THAP5: variants seen among roughly 807,000 people sequenced by gnomAD.
The protein encoded by THAP5 is THAP domain containing 5.
In THAP5, 26 loss-of-function variants were observed where a neutral mutation model predicts 34.0. The ratio of observed to expected loss-of-function variants is 0.77; its 90% CI spans 0.56 to 1.06. The LOEUF is 1.06. Ranked by LOEUF, THAP5 falls within the 50% of genes least tolerant of loss-of-function variation. The pLI is 0.00. For missense variants in THAP5, 394 were observed against 452.8 expected, an observed-to-expected ratio of 0.87 and a Z score of 1.18; for synonymous variants, 125 against 153.0, an observed-to-expected ratio of 0.82 and a Z score of 1.35.
downstream of THAP5, among the ~76,000 whole-genome samples, chr7:108,552,094 A>G (rs1864356972): frequency 6.6e-6 from 1 of 152,122 alleles, no homozygotes; most frequent in Non-Finnish European, 1.5e-5. Flanking sequence ...TTCAGTATAT[A>G]CACTTTCACT....
chr7:108,554,554 TTAA>T (rs1864373440), exon 2 of THAP5: 1 of 152,164 alleles, frequency 6.6e-6, no homozygotes, highest in Non-Finnish European at 1.5e-5. Flanking sequence ...ATCATGGAAA[TTAA>T]TAACACTTTA....
chr7:108,565,247 A>T, intron 2 of THAP5, 142 bp from the exon 3 acceptor site: 4 of 592,250 alleles, frequency 6.8e-6, no homozygotes, highest in Non-Finnish European at 1.1e-5. Flanking sequence ...TATATACCTT[A>T]AAGTATTTTC....
rs1463826141 is a variant in THAP5 at position 108,569,531 on chromosome 7, G to A, written c.39C>T (p.Arg13=). 5 of 1,551,776 alleles carry A rather than the reference G, an allele frequency of 3.2e-6. No individual in the cohort carries two copies. Among genetic ancestry groups the A allele is most frequent in the Non-Finnish European group, 4.4e-6 (5 of 1,147,020 alleles). The change falls in exon 1 of 3, where the codon CGC becomes CGT. Residue 13 remains arginine, a synonymous_variant. Coordinates refer to ENST00000415914, the MANE Select transcript of THAP5 (RefSeq NM_001130475.3). ...RYCAAICCKN[R]RGRNNKDRKL... is the part of the protein sequence containing the mutation. ...TCCGGTCTTTATTGTTTCGTCCCCG[G>A]CGGTTCTTACAACAAATCGCTGCGC...
At chr7:108,559,656 G>C (rs1041399080), downstream of THAP5, among the ~76,000 whole-genome samples, 1 of 152,216 alleles carries the variant, frequency 6.6e-6, no homozygotes, top group Non-Finnish European at 1.5e-5. Context: ...TAAAGGAAAA[G>C]AGGTATAATT....
At chr7:108,561,067 C>T (rs936766281), downstream of THAP5, among the ~76,000 whole-genome samples, 3 of 152,068 alleles carry the variant, frequency 2.0e-5, no homozygotes, top group African/African-American at 7.2e-5. Context: ...TTCCCGAGAC[C>T]CTGGTTTGAG....
chr7:108,549,061 C>T, the THAP5 span, among the ~76,000 whole-genome samples: 4 of 149,700 alleles, frequency 2.7e-5, no homozygotes, highest in Non-Finnish European at 5.9e-5. Context: ...TGTGTATTTA[C>T]CTATATTTCT....
downstream of THAP5, among the ~76,000 whole-genome samples, chr7:108,561,949 A>G (rs940858871): frequency 2.0e-5 from 3 of 152,220 alleles, no homozygotes; most frequent in African/African-American, 7.2e-5. Flanking sequence ...CAGAGTAAGG[A>G]TGGACGTGAA....
At chr7:108,568,938 G>A (rs1032343007) in intron 1 of THAP5, among the ~76,000 whole-genome samples, 1 of 152,166 alleles carries the variant, frequency 6.6e-6, no homozygotes, top group African/African-American at 2.4e-5. Flanking sequence ...CAGAGTAACA[G>A]AATAAAACCT....
rs753279275 is a variant in THAP5 at position 108,564,792 on chromosome 7, CAT to C, written c.585_586del (p.Cys196PhefsTer2). On this transcript the variant is annotated frameshift_variant, in exon 3 of 3. Transcript: ENST00000415914. LOFTEE classifies it high-confidence loss of function. Reference sequence around the variant, plus strand: ...AGTTGTAGAATTTAGATTCTCAAAACATGTGTGAAAACCACCTCTACCTGTAT... The same window carrying C: ...AGTTGTAGAATTTAGATTCTCAAAACGTGTGAAAACCACCTCTACCTGTAT... 9.4e-5 allele frequency: 151 copies of C among 1,613,380 alleles called. No individual in the cohort carries two copies. The highest frequency in any genetic ancestry group is 1.1e-4 in the Non-Finnish European group (134 of 1,179,578).
intron 2 of THAP5, 100 bp downstream of exon 2, chr7:108,565,730 T>G (rs1037390005): frequency 2.2e-6 from 2 of 919,326 alleles, no homozygotes; most frequent in African/African-American, 3.4e-5. Context: ...AAGTATCTGT[T>G]TACCCAAGTT....
At chr7:108,544,981 G>T in the THAP5 span, among the ~76,000 whole-genome samples, 2 of 152,140 alleles carry the variant, frequency 1.3e-5, no homozygotes, top group Non-Finnish European at 2.9e-5. Context: ...CACTTGAAAT[G>T]CAGTAATGCA....
intron 1 of THAP5, among the ~76,000 whole-genome samples, chr7:108,555,689 C>T (rs1864380783): frequency 6.8e-6 from 1 of 146,686 alleles, no homozygotes; most frequent in South Asian, 2.1e-4. Context: ...GAAGGGGAAG[C>T]AAGCACCTTT....
chr7:108,560,388 T>C (rs1056987604), downstream of THAP5, among the ~76,000 whole-genome samples: 1 of 152,234 alleles, frequency 6.6e-6, no homozygotes, highest in South Asian at 2.1e-4. Flanking sequence ...TTCTATACCA[T>C]GTGACCCTTC....
At chr7:108,544,429 G>A in the THAP5 span, among the ~76,000 whole-genome samples, 1 of 151,648 alleles carries the variant, frequency 6.6e-6, no homozygotes, top group Non-Finnish European at 1.5e-5. Context: ...TACTCAGGAG[G>A]CCAAGGCAAG....
chr7:108,569,157 T>A, intron 1 of THAP5: 2 of 1,144,904 alleles, frequency 1.7e-6, no homozygotes, highest in Non-Finnish European at 2.2e-6. Flanking sequence ...GTTTCACGTA[T>A]CTTAAATGGT....
intron 1 of THAP5, chr7:108,568,330 C>A (rs943968931): frequency 6.6e-6 from 1 of 152,476 alleles, no homozygotes; most frequent in African/African-American, 2.4e-5. Flanking sequence ...CTCAGCCTCC[C>A]GAGCAGCTGA....
In THAP5 at chr7:108,564,026, TTC is replaced by T. The variant is rs1790418700; in HGVS notation, c.*163_*164del. 1.9e-6 allele frequency: 1 copy of T among 534,768 alleles called. No homozygotes were observed. Among genetic ancestry groups the T allele is most frequent in the Middle Eastern group, 5.4e-4 (1 of 1,852 alleles). The allele number at this position is 534,768 out of a possible 1,614,324, so 33.1% of individuals were successfully genotyped here. A position where few individuals can be genotyped will look rare whatever the true frequency, so the allele number is the denominator to read the frequency against. On this transcript the variant is annotated 3_prime_UTR_variant, in exon 3 of 3. Coordinates refer to ENST00000415914, the MANE Select transcript of THAP5 (RefSeq NM_001130475.3). ...TCTCTCCAGCCCAACTCTCTGGTTT[TTC>T]TTAAATAAGTATTACAAGAATAGGA...
downstream of THAP5, among the ~76,000 whole-genome samples, chr7:108,554,062 C>T (rs1048835973): frequency 2.0e-5 from 3 of 152,084 alleles, no homozygotes; most frequent in East Asian, 1.9e-4. Context: ...AGTTTGGCCC[C>T]CTAACTTTCC....
chr7:108,553,134 T>C (rs1241275222), downstream of THAP5, among the ~76,000 whole-genome samples: 1 of 152,186 alleles, frequency 6.6e-6, no homozygotes, highest in Non-Finnish European at 1.5e-5. Context: ...TGACACTTAG[T>C]AAAATGCAGC....
Sources: gnomAD v4.1 joint callset for allele counts (sites outside exome capture counted in the v4.1 genomes callset) on GRCh38, gnomAD v4.1.1 for gene constraint, MANE v1.5 for transcripts, NCBI Gene and HGNC (gene_info 2026-07-23, HGNC 2026-07-21) for gene names.